MYO1E: variants seen among roughly 807,000 people sequenced by gnomAD.
The protein encoded by MYO1E is unconventional myosin-Ie.
MYO1E carries 68 observed loss-of-function variants against 151.1 expected under a neutral mutation model. The observed-to-expected ratio is 0.45, with a 90% CI of 0.37 to 0.55. The LOEUF is 0.55. MYO1E is among the 20% of genes least tolerant of loss of function. MYO1E has a pLI of 0.00. For missense variants in MYO1E, 1,363 were observed against 1,389.3 expected (o/e 0.98, Z 0.30); for synonymous variants, 601 against 501.7 (o/e 1.20, Z -2.64).
At position 59,135,377 on chromosome 15, in the gene MYO1E, T is replaced by G. The variant is rs755862074; in HGVS notation, c.*2003A>C. On this transcript the variant is annotated 3_prime_UTR_variant, in exon 28 of 28. Coordinates refer to ENST00000288235, the MANE Select transcript of MYO1E (RefSeq NM_004998.4). Reference sequence around the variant, plus strand: ...TGATAACAAGGGAAGATGGTCCTGGTGTTCCTGCCCTGAGAACGCAGCCTG... The same window carrying G: ...TGATAACAAGGGAAGATGGTCCTGGGGTTCCTGCCCTGAGAACGCAGCCTG... 1 of 152,270 alleles carries G rather than the reference T, an allele frequency of 6.6e-6. No homozygotes were observed. The highest frequency in any genetic ancestry group is 1.9e-4 in the East Asian group (1 of 5,192). The allele number at this position is 152,270 out of a possible 1,614,324, so 9.4% of individuals were successfully genotyped here. A position where few individuals can be genotyped will look rare whatever the true frequency, so the allele number is the denominator to read the frequency against.
At chr15:59,195,618 C>G (rs1188883668) in intron 16 of MYO1E, 51 bp from the exon 17 acceptor site, 1 of 1,478,706 alleles carries the variant, frequency 6.8e-7, no homozygotes, top group South Asian at 1.1e-5. Flanking sequence ...TAAAGAAGAC[C>G]AAATTTCAAA....
At chr15:59,263,704 T>C (rs1384783607) in intron 2 of MYO1E, among the ~76,000 whole-genome samples, 2 of 152,104 alleles carry the variant, frequency 1.3e-5, no homozygotes, top group Admixed American at 6.5e-5. Context: ...GAAGATGAAG[T>C]GGTTTTAAGA....
At chr15:59,253,508 A>T (rs2080177158) in intron 4 of MYO1E, among the ~76,000 whole-genome samples, 1 of 134,850 alleles carries the variant, frequency 7.4e-6, no homozygotes, top group African/African-American at 2.8e-5. Flanking sequence ...TTTGAGACAG[A>T]GTCTCACTCT....
chr15:59,167,955 A>G (rs2079571588), intron 22 of MYO1E, among the ~76,000 whole-genome samples: 1 of 152,144 alleles, frequency 6.6e-6, no homozygotes, highest in Non-Finnish European at 1.5e-5. Flanking sequence ...CTGGGATTAC[A>G]GGTGTGAGCC....
chr15:59,352,559 T>C (rs1431815826), intron 1 of MYO1E, among the ~76,000 whole-genome samples: 1 of 152,128 alleles, frequency 6.6e-6, no homozygotes. Context: ...GACCAGGAGT[T>C]TAAATCCCCT....
At chr15:59,192,466 C>G (rs1000259714) in intron 17 of MYO1E, among the ~76,000 whole-genome samples, 3 of 152,098 alleles carry the variant, frequency 2.0e-5, no homozygotes, top group Admixed American at 1.3e-4. Flanking sequence ...GCAGCTATTG[C>G]AAAATTTCTA....
rs1290267352 is a variant in MYO1E at position 59,216,594 on chromosome 15, G to GTATC, written c.1107+1293_1107+1296dup. Among the ~76,000 whole-genome samples, 153 of 100,474 alleles carry GTATC rather than the reference G, an allele frequency of 1.5e-3. 3 individuals are homozygous for GTATC. The highest frequency in any genetic ancestry group is 4.2e-3 in the East Asian group (17 of 4,046). 65.9% of individuals were successfully genotyped at this position (100,474 alleles called of 152,430 possible). A position where few individuals can be genotyped will look rare whatever the true frequency, so the allele number is the denominator to read the frequency against. ...TAAGAGTTTATGTGTGTGTGTGTGT[G>GTATC]TATCTATCTATCTATCTATCTATCT... On this transcript the variant is annotated intron_variant, in intron 10 of 27. Coordinates refer to ENST00000288235, the MANE Select transcript of MYO1E (RefSeq NM_004998.4).
intron 1 of MYO1E, among the ~76,000 whole-genome samples, chr15:59,286,113 A>C (rs1432248234): frequency 1.3e-5 from 2 of 152,208 alleles, no homozygotes; most frequent in African/African-American, 4.8e-5. Flanking sequence ...GGAACAAAGA[A>C]ACTCTAATTT....
chr15:59,205,416 T>A lies in MYO1E; in HGVS notation c.1600A>T (p.Met534Leu). The change falls in exon 15 of 28, where the codon ATG becomes TTG. Residue 534 changes from methionine to leucine, a missense_variant. By Grantham distance (15) the Met-to-Leu change is conservative (BLOSUM62 2). Transcript: ENST00000288235. ...DVLFMDLIEL[M>L]QSSELPFIKS... ...CATACTTACAGCTCGCTGCTCTGCA[T>A]AAGCTCGATGAGATCCATAAAAAGC... 1 of 1,614,124 alleles carries A rather than the reference T, an allele frequency of 6.2e-7. No individual in the cohort carries two copies. Among genetic ancestry groups the A allele is most frequent in the Non-Finnish European group, 8.5e-7 (1 of 1,180,004 alleles).
At chr15:59,267,769 C>G (rs17236509) in intron 2 of MYO1E, among the ~76,000 whole-genome samples, 24,811 of 152,152 alleles carry the variant, frequency 0.16, 2,544 homozygotes, top group East Asian at 0.49. Flanking sequence ...GCACAATAGA[C>G]AACACTGTAA....
chr15:59,148,144 T>G (rs911422986), intron 26 of MYO1E, among the ~76,000 whole-genome samples: 1 of 152,164 alleles, frequency 6.6e-6, no homozygotes, highest in African/African-American at 2.4e-5. Context: ...TCAAAATTAT[T>G]ATATTAGTAT....
At chr15:59,246,070 G>A (rs1172910424) in intron 4 of MYO1E, among the ~76,000 whole-genome samples, 1 of 152,008 alleles carries the variant, frequency 6.6e-6, no homozygotes, top group East Asian at 1.9e-4. Context: ...TACCTACCAA[G>A]CCTTCAGGTG....
chr15:59,218,249 A>G, intron 9 of MYO1E, 162 bp from the exon 10 acceptor site: 1 of 786,584 alleles, frequency 1.3e-6, no homozygotes, highest in Non-Finnish European at 2.2e-6. Context: ...GCTGCTTATC[A>G]GTAATCCCAT....
intron 26 of MYO1E, among the ~76,000 whole-genome samples, chr15:59,142,508 G>A (rs2079416346): frequency 6.6e-6 from 1 of 152,186 alleles, no homozygotes; most frequent in Non-Finnish European, 1.5e-5. Context: ...ACCTGTTTCT[G>A]TCCTTCGTGT....
chr15:59,209,591 G>C (rs994277679), intron 13 of MYO1E, among the ~76,000 whole-genome samples: 1 of 151,862 alleles, frequency 6.6e-6, no homozygotes, highest in African/African-American at 2.4e-5. Context: ...CAGGAGAATC[G>C]CTTGAACCCG....
At chr15:59,214,546 G>T in intron 11 of MYO1E, 94 bp downstream of exon 11, 1 of 1,256,976 alleles carries the variant, frequency 8.0e-7, no homozygotes, top group Non-Finnish European at 1.2e-6. Context: ...TTTGTTTTCT[G>T]TTTTTTTGTT....
chr15:59,215,778 A>T (rs185994544), intron 10 of MYO1E, among the ~76,000 whole-genome samples: 4 of 152,326 alleles, frequency 2.6e-5, no homozygotes, highest in African/African-American at 9.6e-5. Flanking sequence ...TTCACAAAAA[A>T]AACTGACAGG....
intron 4 of MYO1E, among the ~76,000 whole-genome samples, chr15:59,243,097 TGC>T: frequency 1.8e-5 from 1 of 56,940 alleles, no homozygotes; most frequent in African/African-American, 5.4e-5. Flanking sequence ...AATTAGACCC[TGC>T]TTTTTTTTTT....
At chr15:59,274,384 T>C (rs147707267) in intron 1 of MYO1E, among the ~76,000 whole-genome samples, 9 of 152,314 alleles carry the variant, frequency 5.9e-5, no homozygotes, top group East Asian at 1.9e-4. Context: ...TAGATTTCCA[T>C]TGAATGCCCA....
Sources: allele counts gnomAD v4.1 joint callset (sites outside exome capture counted in the v4.1 genomes callset), GRCh38; gene constraint gnomAD v4.1.1; transcripts MANE v1.5; gene names NCBI Gene and HGNC (gene_info 2026-07-23, HGNC 2026-07-21).